Variants in CPEB1 observed in about 807,000 individuals in gnomAD.
CPEB1 encodes the protein cytoplasmic polyadenylation element-binding protein 1.
In CPEB1, 7 loss-of-function variants were observed where a neutral mutation model predicts 65.8. The ratio of observed to expected loss-of-function variants is 0.11; its 90% CI spans 0.06 to 0.20. The LOEUF (loss-of-function observed/expected upper bound fraction) is 0.20, where lower values mean the gene tolerates loss of function less well. Ranked by LOEUF, CPEB1 falls within the 10% of genes least tolerant of loss-of-function variation. CPEB1 has a pLI of 1.00. For missense variants in CPEB1, 551 were observed against 712.2 expected (o/e 0.77, Z 2.58); for synonymous variants, 262 against 260.0 (o/e 1.01, Z -0.08).
Position 82,553,870 on chromosome 15 carries a change from C to CA in CPEB1, c.1054+7dup. The stretch of plus-strand genomic sequence containing the variant: ...CAACTCTTAAAGCAGGTCTTAGAGA[C>CA]AGCTCACCTTCTGTAATATCCCAAG... On this transcript the variant is annotated splice_region_variant and intron_variant, in intron 7 of 12. Coordinates refer to ENST00000684509, the MANE Select transcript of CPEB1 (RefSeq NM_001365242.1). 6.4e-7 allele frequency: 1 copy of CA among 1,564,756 alleles called. No individual in the cohort carries two copies. Among genetic ancestry groups the CA allele is most frequent in the South Asian group, 1.1e-5 (1 of 89,728 alleles).
At chr15:82,582,892 GCCA>G (rs1239045212) in intron 3 of CPEB1, among the ~76,000 whole-genome samples, 2 of 151,646 alleles carry the variant, frequency 1.3e-5, no homozygotes, top group African/African-American at 4.8e-5. Flanking sequence ...ACAGACACTG[GCCA>G]CCACGACAGC....
At chr15:82,558,896 G>A (rs2037708326) in intron 4 of CPEB1, among the ~76,000 whole-genome samples, 1 of 151,860 alleles carries the variant, frequency 6.6e-6, no homozygotes, top group Non-Finnish European at 1.5e-5. Context: ...AGGAATAAGA[G>A]GGCTTTGCCA....
intron 3 of CPEB1, among the ~76,000 whole-genome samples, chr15:82,605,289 A>G (rs1343912304): frequency 6.6e-6 from 1 of 152,192 alleles, no homozygotes; most frequent in Non-Finnish European, 1.5e-5. Flanking sequence ...ATCCACATGA[A>G]GTAATAAAGA....
chr15:82,555,627 T>C (rs2037062386), intron 6 of CPEB1, among the ~76,000 whole-genome samples: 1 of 152,184 alleles, frequency 6.6e-6, no homozygotes, highest in Admixed American at 6.5e-5. Flanking sequence ...GCCAGCTCCT[T>C]GTGCTGTGGC....
intron 1 of CPEB1, among the ~76,000 whole-genome samples, chr15:82,639,649 G>A (rs1222195535): frequency 6.6e-6 from 1 of 152,170 alleles, no homozygotes; most frequent in African/African-American, 2.4e-5. Flanking sequence ...TAACAGGTCT[G>A]ACTGGTGTCT....
chr15:82,612,799 A>C (rs967453551), intron 3 of CPEB1, among the ~76,000 whole-genome samples: 1 of 152,082 alleles, frequency 6.6e-6, no homozygotes, highest in Non-Finnish European at 1.5e-5. Flanking sequence ...GCACCACTGC[A>C]CTCCAGCCTG....
At chr15:82,643,090 C>T (rs942060143) in intron 1 of CPEB1, among the ~76,000 whole-genome samples, 1 of 152,098 alleles carries the variant, frequency 6.6e-6, no homozygotes, top group African/African-American at 2.4e-5. Flanking sequence ...CTTTAGTCAC[C>T]TCACCCTTCC....
intron 1 of CPEB1, among the ~76,000 whole-genome samples, chr15:82,637,741 A>C (rs1451208204): frequency 6.6e-6 from 1 of 152,188 alleles, no homozygotes. Context: ...TCTGGAAAGT[A>C]CAAATCTAAT....
intron 3 of CPEB1, among the ~76,000 whole-genome samples, chr15:82,616,487 AT>A (rs969189418): frequency 4.0e-5 from 6 of 151,676 alleles, no homozygotes; most frequent in Non-Finnish European, 8.8e-5. Flanking sequence ...AAATCTTAAC[AT>A]TTGTTAAAGA....
Position 82,559,031 on chromosome 15 carries a change from G to T in CPEB1, c.461-1045C>A, listed in dbSNP as rs978564169. ...GGTAAAACCAAAATCATATGTGTAA[G>T]TGCTGAATAACTGGCTGTGATTGGC... On this transcript the variant is annotated intron_variant, in intron 4 of 12. Coordinates refer to ENST00000684509, the MANE Select transcript of CPEB1 (RefSeq NM_001365242.1). Among the ~76,000 whole-genome samples, 11 of 151,546 alleles carry T rather than the reference G, an allele frequency of 7.3e-5. No homozygotes were observed. The South Asian group carries it at 2.3e-3, about 32-fold the overall frequency.
chr15:82,577,448 T>G (rs1280653279), intron 3 of CPEB1, among the ~76,000 whole-genome samples: 1 of 152,166 alleles, frequency 6.6e-6, no homozygotes, highest in East Asian at 1.9e-4. Flanking sequence ...TTCTCTATCT[T>G]TTAAGTATAC....
At chr15:82,585,177 C>A (rs896994311) in intron 3 of CPEB1, among the ~76,000 whole-genome samples, 4 of 152,138 alleles carry the variant, frequency 2.6e-5, no homozygotes, top group East Asian at 1.9e-4. Flanking sequence ...ACCCTCCCCC[C>A]AGTACTAATT....
chr15:82,629,998 T>G (rs2046105333), intron 1 of CPEB1: 1 of 985,340 alleles, frequency 1.0e-6, no homozygotes, highest in Non-Finnish European at 1.2e-6. Flanking sequence ...AGTGGTGCCA[T>G]TGAGAACTGT....
intron 1 of CPEB1, chr15:82,630,215 G>T: frequency 2.6e-6 from 1 of 391,442 alleles, no homozygotes; most frequent in Non-Finnish European, 3.5e-6. Flanking sequence ...GAGACTACAG[G>T]CACGTGCCAT....
rs968078567 is a variant in CPEB1 at position 82,605,787 on chromosome 15, C to T, written c.271+21406G>A. ...GGCACAGTGGCTCATGCCTGTAATCCTAGCACTTTGGGAGGCTGAGGTGGG... is the reference window on the plus strand; with the variant it reads ...GGCACAGTGGCTCATGCCTGTAATCTTAGCACTTTGGGAGGCTGAGGTGGG... On this transcript the variant is annotated intron_variant, in intron 3 of 12. Transcript: ENST00000684509. Among the ~76,000 whole-genome samples the T allele has an allele frequency of 9.1e-4, 139 of 152,312 alleles. 1 individual carries two copies. Among genetic ancestry groups the T allele is most frequent in the African/African-American group, 3.2e-3 (135 of 41,572 alleles).
chr15:82,547,182 A>G lies in CPEB1; in HGVS notation c.1536T>C (p.Ala512=). ...NQRSYLKAVS[A]AFVEIKTTKF... The stretch of plus-strand genomic sequence containing the variant: ...TGGTGGTTTTGATCTCCACAAAAGC[A>G]GCGCTGACTGCTTTCAGGTAACTCC... The change falls in exon 11 of 13, where the codon GCT becomes GCC. Residue 512 remains alanine, a synonymous_variant. Coordinates refer to ENST00000684509, the MANE Select transcript of CPEB1 (RefSeq NM_001365242.1). 5 of 1,613,598 alleles carry G rather than the reference A, an allele frequency of 3.1e-6. No individual in the cohort carries two copies. The highest frequency in any genetic ancestry group is 4.2e-6 in the Non-Finnish European group (5 of 1,179,802).
chr15:82,553,402 A>G (rs2036617240), intron 8 of CPEB1, 65 bp downstream of exon 8: 2 of 1,192,618 alleles, frequency 1.7e-6, no homozygotes, highest in Non-Finnish European at 2.5e-6. Flanking sequence ...CCCTAGGTGC[A>G]GTTATGTACT....
At chr15:82,623,003 G>A (rs1477272927) in intron 3 of CPEB1, among the ~76,000 whole-genome samples, 3 of 152,172 alleles carry the variant, frequency 2.0e-5, no homozygotes, top group Admixed American at 6.5e-5. Context: ...AAGCCCTGGC[G>A]GGAGGTATCT....
chr15:82,592,853 CG>C (rs1005120909), intron 3 of CPEB1, among the ~76,000 whole-genome samples: 1 of 151,700 alleles, frequency 6.6e-6, no homozygotes, highest in African/African-American at 2.4e-5. Context: ...AAAAATTAGC[CG>C]GGCATGGTGG....
Sources: gnomAD v4.1 joint callset for allele counts (sites outside exome capture counted in the v4.1 genomes callset) on GRCh38, gnomAD v4.1.1 for gene constraint, MANE v1.5 for transcripts, NCBI Gene and HGNC (gene_info 2026-07-23, HGNC 2026-07-21) for gene names.